ABCA13: variants seen among roughly 807,000 people sequenced by gnomAD.
The protein encoded by ABCA13 is ATP-binding cassette sub-family A member 13.
Under a neutral mutation model 478.7 loss-of-function variants are expected in ABCA13, and 476 were observed. The observed-to-expected ratio is 0.99, with a 90% confidence interval of 0.92 to 1.07. The LOEUF is 1.07. Among genes scored for constraint, ABCA13 ranks in the 50% least tolerant of loss-of-function variants. The pLI, the probability that ABCA13 is intolerant of heterozygous loss-of-function variation, is 0.00. For synonymous variants in ABCA13, 2,252 were observed against 2,158.9 expected, an observed-to-expected ratio of 1.04 and a Z score of -1.20; for missense variants, 6,060 against 5,910.6, an observed-to-expected ratio of 1.03 and a Z score of -0.83.
At chr7:48,225,184 C>CCTTCCTTCCTTCTTTG (rs1788030412) in intron 5 of ABCA13, among the ~76,000 whole-genome samples, 1 of 149,480 alleles carries the variant, frequency 6.7e-6, no homozygotes, top group African/African-American at 2.5e-5. Flanking sequence ...TTCCTTCCTT[C>CCTTCCTTCCTTCTTTG]CTTCCTTCTT....
intron 33 of ABCA13, 110 bp downstream of exon 33, chr7:48,372,607 T>A: frequency 1.1e-6 from 1 of 877,294 alleles, no homozygotes; most frequent in Non-Finnish European, 1.7e-6. Flanking sequence ...TGTTCATATC[T>A]ACATGGGCTT....
chr7:48,297,442 C>A, intron 22 of ABCA13, 131 bp downstream of exon 22: 1 of 913,676 alleles, frequency 1.1e-6, no homozygotes, highest in Non-Finnish European at 1.7e-6. Context: ...TACAACTTGG[C>A]TGGTATGATG....
At chr7:48,402,476 A>G (rs1397935171) in intron 38 of ABCA13, among the ~76,000 whole-genome samples, 2 of 152,220 alleles carry the variant, frequency 1.3e-5, no homozygotes, top group Non-Finnish European at 2.9e-5. Flanking sequence ...CACACTGGGA[A>G]CACATGAAAA....
chr7:48,298,288 A>G (rs1024580601), intron 22 of ABCA13, 78 bp from the exon 23 acceptor site: 28 of 1,321,218 alleles, frequency 2.1e-5, no homozygotes, highest in Non-Finnish European at 2.8e-5. Flanking sequence ...GCCAGGTTGT[A>G]ATATCAAATT....
chr7:48,613,774 A>G (rs1318309079), intron 58 of ABCA13, among the ~76,000 whole-genome samples: 1 of 149,604 alleles, frequency 6.7e-6, no homozygotes, highest in Non-Finnish European at 1.5e-5. Flanking sequence ...TATACTTTAT[A>G]ATTATTTTAA....
intron 55 of ABCA13, among the ~76,000 whole-genome samples, chr7:48,550,759 C>T (rs1255403722): frequency 6.6e-6 from 1 of 151,238 alleles, no homozygotes; most frequent in East Asian, 1.9e-4. Flanking sequence ...ATCCATCCGT[C>T]CATCCATCCA....
intron 4 of ABCA13, among the ~76,000 whole-genome samples, chr7:48,220,396 C>T (rs1203261549): frequency 6.6e-6 from 1 of 152,128 alleles, no homozygotes; most frequent in African/African-American, 2.4e-5. Flanking sequence ...TGAAATTTAA[C>T]TGGATGTGTT....
intron 24 of ABCA13, among the ~76,000 whole-genome samples, chr7:48,312,154 TCTGCAGAG>T (rs1801874247): frequency 6.6e-6 from 1 of 152,152 alleles, no homozygotes; most frequent in Admixed American, 6.5e-5. Flanking sequence ...CTGAAAGTCA[TCTGCAGAG>T]CTAACAGCTA....
At chr7:48,373,210 G>A (rs1812931423) in intron 33 of ABCA13, among the ~76,000 whole-genome samples, 1 of 152,170 alleles carries the variant, frequency 6.6e-6, no homozygotes, top group East Asian at 1.9e-4. Context: ...AGATAAGACA[G>A]AGTCATTAAC....
chr7:48,217,178 T>C (rs930494512), intron 3 of ABCA13, among the ~76,000 whole-genome samples: 7 of 152,206 alleles, frequency 4.6e-5, no homozygotes, highest in Non-Finnish European at 8.8e-5. Context: ...TGCAAAGTTA[T>C]GGAGTTGACC....
At chr7:48,204,846 AG>A (rs564235314) in intron 3 of ABCA13, among the ~76,000 whole-genome samples, 99 of 152,248 alleles carry the variant, frequency 6.5e-4, no homozygotes, top group African/African-American at 2.3e-3. Context: ...TTTATTTCCC[AG>A]CCCCTTTCAT....
chr7:48,219,295 T>A, intron 3 of ABCA13, 59 bp from the exon 4 acceptor site: 1 of 1,531,518 alleles, frequency 6.5e-7, no homozygotes, highest in Non-Finnish European at 8.7e-7. Context: ...TCTTAAAAAA[T>A]GCCAAGGAAA....
rs1010904741 is a variant in ABCA13, at chr7:48,209,760, C to T, written c.288-9594C>T. ...AAATTCAATGTAATTTCTACCAAATCGATGTATTGATATATAGTTGCTCAC... is the reference window on the plus strand; with the variant it reads ...AAATTCAATGTAATTTCTACCAAATTGATGTATTGATATATAGTTGCTCAC... On this transcript the variant is annotated intron_variant, in intron 3 of 61. Transcript: ENST00000435803. Among the ~76,000 whole-genome samples the T allele has an allele frequency of 1.6e-4, 25 of 152,100 alleles. 1 individual carries two copies. Among genetic ancestry groups the T allele is most frequent in the African/African-American group, 5.6e-4 (23 of 41,438 alleles).
intron 3 of ABCA13, 140 bp downstream of exon 3, chr7:48,198,500 CAG>C: frequency 9.7e-7 from 1 of 1,028,522 alleles, no homozygotes; most frequent in Non-Finnish European, 1.3e-6. Flanking sequence ...TTATTAAATT[CAG>C]AGTCATATAA....
chr7:48,300,349 G>A (rs1563000531), intron 23 of ABCA13, among the ~76,000 whole-genome samples: 1 of 152,218 alleles, frequency 6.6e-6, no homozygotes, highest in Non-Finnish European at 1.5e-5. Flanking sequence ...TGCATGACAG[G>A]CATGGTCCCA....
chr7:48,246,030 T>C lies in ABCA13; in HGVS notation c.1659T>C (p.Ala553=). 6.2e-7 allele frequency: 1 copy of C among 1,612,546 alleles called. No individual in the cohort carries two copies. Among genetic ancestry groups the C allele is most frequent in the Non-Finnish European group, 8.5e-7 (1 of 1,179,102 alleles). The stretch of plus-strand genomic sequence containing the variant: ...AGCTACTTGGTTCAGTAGAGGATGC[T>C]GTAAGTATTCTACCATCTTAGCTCT... ...LNKLLGSVED[A]DRILQEVITW... The change falls in exon 13 of 62, where the codon GCT becomes GCC. Residue 553 remains alanine (A), a splice_region_variant and synonymous_variant. Coordinates refer to ENST00000435803, the MANE Select transcript of ABCA13 (RefSeq NM_152701.5).
Position 48,246,438 on chromosome 7 carries a change from G to A in ABCA13, c.1659+408G>A, listed in dbSNP as rs1001116054. Among the ~76,000 whole-genome samples, 3 of 152,154 alleles carry A rather than the reference G, an allele frequency of 2.0e-5. No individual in the cohort carries two copies. In the South Asian group the frequency reaches 6.2e-4, roughly 31 times the overall value. The stretch of plus-strand genomic sequence containing the variant: ...CATATTCCTCTCATGTAACTGCCCA[G>A]GACAATGGGCTACCCCTGTTCAGCG... On this transcript the variant is annotated intron_variant, in intron 13 of 61. Coordinates refer to ENST00000435803, the MANE Select transcript of ABCA13 (RefSeq NM_152701.5).
In ABCA13 at chr7:48,511,158, C is replaced by G; in HGVS notation, c.13599C>G (p.Arg4533=). The part of the protein sequence containing the change: ...VAFQLTAFTF[R]KNLAATALLL... ...TCCAGTTAACAGCTTTTACTTTCCG[C>G]AAGAACTTGGCAGCCACGGCCCTCC... The change falls in exon 51 of 62, where the codon CGC becomes CGG. Residue 4533 remains arginine (R), a synonymous_variant. Coordinates refer to ENST00000435803, the MANE Select transcript of ABCA13 (RefSeq NM_152701.5). 6.2e-7 allele frequency: 1 copy of G among 1,613,522 alleles called. No individual in the cohort carries two copies. Among genetic ancestry groups the G allele is most frequent in the Non-Finnish European group, 8.5e-7 (1 of 1,179,640 alleles).
intron 40 of ABCA13, among the ~76,000 whole-genome samples, chr7:48,411,291 C>CTCTTTTCTTTTCTT (rs1554500144): frequency 1.6e-4 from 15 of 92,888 alleles, no homozygotes; most frequent in Admixed American, 5.3e-4. Context: ...TCCTTCCTTC[C>CTCTTTTCTTTTCTT]TTCTTTTCTT....
Sources: gnomAD v4.1 joint callset for allele counts (sites outside exome capture counted in the v4.1 genomes callset) on GRCh38, gnomAD v4.1.1 for gene constraint, MANE v1.5 for transcripts, NCBI Gene and HGNC (gene_info 2026-07-23, HGNC 2026-07-21) for gene names.